The following MTMR14 variants were observed in gnomAD, a reference collection of about 807,000 sequenced individuals.
MTMR14 encodes the protein myotubularin related protein 14, also known as phosphatidylinositol-3,5-bisphosphate 3-phosphatase MTMR14.
A neutral mutation model predicts 86.3 loss-of-function variants in MTMR14; 48 were observed. The observed-to-expected ratio is 0.56, with a 90% CI of 0.44 to 0.71. The LOEUF is 0.71. Among genes scored for constraint, MTMR14 ranks in the 30% least tolerant of loss-of-function variants. The pLI is 0.00. For synonymous variants in MTMR14, 366 were observed against 326.1 expected (o/e 1.12, Z -1.32); for missense variants, 780 against 834.6 (o/e 0.93, Z 0.81).
chr3:9,662,868 T>G (rs1007103269), intron 3 of MTMR14, among the ~76,000 whole-genome samples: 1 of 152,238 alleles, frequency 6.6e-6, no homozygotes, highest in African/African-American at 2.4e-5. Context: ...GGAGCTTATA[T>G]TCTAAGGACT....
Position 9,665,154 on chromosome 3 carries a change from C to T in MTMR14, c.417+2779C>T, listed in dbSNP as rs1044779464. ...AAAATTAGCCAGGCAAGGTGGCAGG[C>T]GCCTATAATCCCAGCTACTCCGGAG... On this transcript the variant is annotated intron_variant, in intron 3 of 18. Transcript: ENST00000296003. Among the ~76,000 whole-genome samples the T allele has an allele frequency of 5.9e-5, 9 of 151,822 alleles. 1 individual carries two copies. Among genetic ancestry groups the T allele is most frequent in the African/African-American group, 2.2e-4 (9 of 41,312 alleles).
chr3:9,660,297 C>T (rs1471178515), intron 2 of MTMR14, among the ~76,000 whole-genome samples: 7 of 151,874 alleles, frequency 4.6e-5, no homozygotes, highest in Admixed American at 6.6e-5. Flanking sequence ...TCTCGCCCTT[C>T]GCCCAGGCTG....
chr3:9,666,880 T>C (rs2048282367), intron 3 of MTMR14, among the ~76,000 whole-genome samples: 1 of 152,220 alleles, frequency 6.6e-6, no homozygotes, highest in East Asian at 1.9e-4. Context: ...TGATGGGTTA[T>C]GAGTCAGAAC....
At chr3:9,678,228 A>C (rs1188777695) in intron 9 of MTMR14, among the ~76,000 whole-genome samples, 170 bp downstream of exon 9, 1 of 152,218 alleles carries the variant, frequency 6.6e-6, no homozygotes, top group Non-Finnish European at 1.5e-5. Flanking sequence ...GTGTCCGTTC[A>C]ACTATCTCCT....
intron 16 of MTMR14, 102 bp downstream of exon 16, chr3:9,689,184 G>C (rs159142): frequency 0.8 from 1,225,426 of 1,531,742 alleles, 493,280 homozygotes; most frequent in African/African-American, 0.96. Context: ...AGGCCCCCAA[G>C]AGAAGAGCTG....
intron 1 of MTMR14, among the ~76,000 whole-genome samples, 176 bp from the exon 2 acceptor site, chr3:9,653,445 T>C (rs1467225944): frequency 6.8e-6 from 1 of 146,356 alleles, no homozygotes; most frequent in Non-Finnish European, 1.5e-5. Flanking sequence ...GTATACAATA[T>C]ATGGGTTAAT....
intron 9 of MTMR14, among the ~76,000 whole-genome samples, chr3:9,678,865 C>T (rs1198231868): frequency 1.3e-5 from 2 of 152,226 alleles, no homozygotes; most frequent in African/African-American, 2.4e-5. Context: ...TCCTGGAGGA[C>T]AGGGACCCAC....
At chr3:9,685,630 A>G (rs1230393481) in intron 13 of MTMR14, among the ~76,000 whole-genome samples, 1 of 150,374 alleles carries the variant, frequency 6.7e-6, no homozygotes, top group African/African-American at 2.5e-5. Flanking sequence ...TCTCTTCCCC[A>G]CCCTCCCGTC....
chr3:9,696,907 T>A (rs1251407241), intron 17 of MTMR14, among the ~76,000 whole-genome samples: 1 of 152,120 alleles, frequency 6.6e-6, no homozygotes, highest in Non-Finnish European at 1.5e-5. Flanking sequence ...GTCTCCCTAT[T>A]GCCTCCCCGA....
In MTMR14 at chr3:9,669,420, T is replaced by C; in HGVS notation, c.494-12T>C. 6.2e-7 allele frequency: 1 copy of C among 1,613,574 alleles called. No individual in the cohort carries two copies. Among genetic ancestry groups the C allele is most frequent in the Non-Finnish European group, 8.5e-7 (1 of 1,179,708 alleles). ...ACCAGCCTCAGTACTGACAGATAGG[T>C]TTCTCTGGCAGGGGGTGCAGATGAT... is the stretch of plus-strand genomic sequence containing the variant. On this transcript the variant is annotated splice_polypyrimidine_tract_variant and intron_variant, in intron 4 of 18. Coordinates refer to ENST00000296003, the MANE Select transcript of MTMR14 (RefSeq NM_001077525.3).
chr3:9,660,778 T>C (rs932821126), intron 2 of MTMR14, among the ~76,000 whole-genome samples: 13 of 152,000 alleles, frequency 8.6e-5, no homozygotes, highest in Admixed American at 2.0e-4. Flanking sequence ...CCTCTAGGAG[T>C]TGGTCTGAAA....
chr3:9,667,424 A>T (rs1365161559), intron 3 of MTMR14, among the ~76,000 whole-genome samples: 2 of 152,142 alleles, frequency 1.3e-5, no homozygotes, highest in East Asian at 3.8e-4. Flanking sequence ...ATGTAAGTAG[A>T]TTATGATGTG....
chr3:9,671,285 A>G (rs2048555731), intron 6 of MTMR14, 115 bp downstream of exon 6: 3 of 1,399,568 alleles, frequency 2.1e-6, no homozygotes, highest in Middle Eastern at 2.2e-4. Flanking sequence ...GGCTTTCTGT[A>G]CATTATCTCA....
intron 9 of MTMR14, among the ~76,000 whole-genome samples, chr3:9,680,320 A>C (rs1431974220): frequency 6.6e-6 from 1 of 152,158 alleles, no homozygotes; most frequent in African/African-American, 2.4e-5. Context: ...TCAGGCCACC[A>C]CTGTCTCAGT....
intron 3 of MTMR14, among the ~76,000 whole-genome samples, chr3:9,665,307 G>A (rs548347091): frequency 1.3e-5 from 2 of 148,348 alleles, no homozygotes; most frequent in African/African-American, 2.5e-5. Context: ...AAAGTCTCAC[G>A]TACCCCATAA....
chr3:9,662,999 A>C (rs2048027859), intron 3 of MTMR14, among the ~76,000 whole-genome samples: 1 of 152,198 alleles, frequency 6.6e-6, no homozygotes, highest in Non-Finnish European at 1.5e-5. Flanking sequence ...AACTTCCCTA[A>C]GTAGAGGGTA....
chr3:9,692,616 C>A (rs568111460), intron 17 of MTMR14, among the ~76,000 whole-genome samples: 36 of 152,334 alleles, frequency 2.4e-4, no homozygotes, highest in Middle Eastern at 6.8e-3. Flanking sequence ...GTCATGCATC[C>A]TTTAGGAGTA....
At chr3:9,662,618 G>C (rs1359860152) in intron 3 of MTMR14, among the ~76,000 whole-genome samples, 1 of 152,150 alleles carries the variant, frequency 6.6e-6, no homozygotes, top group African/African-American at 2.4e-5. Context: ...CCTAGGTTCA[G>C]ATCCTGACTC....
chr3:9,683,836 C>G (rs1367221515), intron 10 of MTMR14: 1 of 156,754 alleles, frequency 6.4e-6, no homozygotes, highest in Non-Finnish European at 1.4e-5. Context: ...GAATCTTTCT[C>G]TGTTTCTCAA....
Sources: allele counts gnomAD v4.1 joint callset (sites outside exome capture counted in the v4.1 genomes callset), GRCh38; gene constraint gnomAD v4.1.1; transcripts MANE v1.5; gene names NCBI Gene and HGNC (gene_info 2026-07-23, HGNC 2026-07-21).